The following SEMA6D variants were observed in gnomAD, a reference collection of about 807,000 sequenced individuals.
SEMA6D encodes the protein semaphorin 6D, also known as semaphorin-6D.
In SEMA6D, 35 loss-of-function variants were observed where a neutral mutation model predicts 106.6. The ratio of observed to expected loss-of-function variants is 0.33; its 90% confidence interval spans 0.25 to 0.44. The LOEUF (loss-of-function observed/expected upper bound fraction) is 0.44. Ranked by LOEUF, SEMA6D falls within the 20% of genes least tolerant of loss-of-function variation. The pLI, the probability that SEMA6D is intolerant of heterozygous loss-of-function variation, is 1.00. For synonymous variants in SEMA6D, 499 were observed against 487.7 expected, an observed-to-expected ratio of 1.02 and a Z score of -0.31; for missense variants, 1,185 against 1,345.9, an observed-to-expected ratio of 0.88 and a Z score of 1.87.
At chr15:47,668,975 T>C in intron 4 of SEMA6D, among the ~76,000 whole-genome samples, 1 of 152,228 alleles carries the variant, frequency 6.6e-6, no homozygotes, top group Middle Eastern at 3.2e-3. Context: ...TTCAAACTTC[T>C]AGAAAAGTTG....
chr15:47,284,284 T>G (rs2035260658), intron 1 of SEMA6D, among the ~76,000 whole-genome samples: 1 of 152,220 alleles, frequency 6.6e-6, no homozygotes, highest in Non-Finnish European at 1.5e-5. Flanking sequence ...ATCACTCACA[T>G]CATATAATTT....
chr15:47,724,633 G>C (rs568710627), intron 1 of SEMA6D, among the ~76,000 whole-genome samples: 1 of 151,824 alleles, frequency 6.6e-6, no homozygotes, highest in Non-Finnish European at 1.5e-5. Context: ...TTAGGCAAAA[G>C]CCCAGGGGTG....
At chr15:47,283,022 T>G (rs574958583) in intron 1 of SEMA6D, among the ~76,000 whole-genome samples, 1 of 152,248 alleles carries the variant, frequency 6.6e-6, no homozygotes. Flanking sequence ...ATGTTGAGCT[T>G]AACAGGGGCT....
At chr15:47,194,997 TACTAAGTTTTCC>T (rs1299979871) in intron 1 of SEMA6D, among the ~76,000 whole-genome samples, 7 of 152,204 alleles carry the variant, frequency 4.6e-5, no homozygotes, top group African/African-American at 1.4e-4. Flanking sequence ...ATTACCTGCC[TACTAAGTTTTCC>T]ACCAAGTTAC....
chr15:47,195,683 A>C (rs1398987000), intron 1 of SEMA6D, among the ~76,000 whole-genome samples: 1 of 152,122 alleles, frequency 6.6e-6, no homozygotes, highest in Admixed American at 6.5e-5. Flanking sequence ...TGACCAATTT[A>C]GGTATCTCTT....
chr15:47,575,439 A>G (rs2076139978), intron 3 of SEMA6D, among the ~76,000 whole-genome samples: 2 of 152,106 alleles, frequency 1.3e-5, no homozygotes, highest in Admixed American at 6.5e-5. Flanking sequence ...GGGGCTGGCT[A>G]GTATAAGAAG....
chr15:47,497,968 A>G (rs961433563), intron 3 of SEMA6D, among the ~76,000 whole-genome samples: 1 of 152,118 alleles, frequency 6.6e-6, no homozygotes, highest in Non-Finnish European at 1.5e-5. Flanking sequence ...AGGAACCATT[A>G]CACAATAAAC....
chr15:47,494,796 CAG>C (rs2043599192), intron 3 of SEMA6D, among the ~76,000 whole-genome samples: 3 of 52,276 alleles, frequency 5.7e-5, no homozygotes, highest in East Asian at 9.3e-4. Context: ...ATATAATCTC[CAG>C]ATACACACAC....
chr15:47,645,948 C>T (rs992785452), intron 4 of SEMA6D, among the ~76,000 whole-genome samples: 4 of 152,116 alleles, frequency 2.6e-5, no homozygotes, highest in Non-Finnish European at 4.4e-5. Flanking sequence ...GGTGAGGCAC[C>T]GAGCTTCCGT....
intron 3 of SEMA6D, among the ~76,000 whole-genome samples, chr15:47,588,381 CAG>C (rs1172104415): frequency 6.6e-6 from 1 of 152,164 alleles, no homozygotes; most frequent in Non-Finnish European, 1.5e-5. Flanking sequence ...CTGACTTCAG[CAG>C]AGTCAAATCC....
At chr15:47,642,948 T>G (rs956449460) in intron 4 of SEMA6D, among the ~76,000 whole-genome samples, 2 of 149,636 alleles carry the variant, frequency 1.3e-5, no homozygotes, top group South Asian at 2.1e-4. Flanking sequence ...GAGAGTAAGA[T>G]AGAGATGAAG....
At chr15:47,631,408 G>A (rs1398477308) in intron 4 of SEMA6D, among the ~76,000 whole-genome samples, 2 of 151,442 alleles carry the variant, frequency 1.3e-5, no homozygotes, top group Non-Finnish European at 3.0e-5. Flanking sequence ...CTGAATAATG[G>A]CCCCCAAAGA....
chr15:47,582,340 G>A (rs1361301577), intron 3 of SEMA6D, among the ~76,000 whole-genome samples: 8 of 152,202 alleles, frequency 5.3e-5, no homozygotes, highest in Non-Finnish European at 1.5e-5. Flanking sequence ...TCCCACAACT[G>A]AAAGAAGTTG....
intron 4 of SEMA6D, among the ~76,000 whole-genome samples, chr15:47,677,425 A>C (rs183120689): frequency 6.6e-6 from 1 of 152,200 alleles, no homozygotes; most frequent in Admixed American, 6.5e-5. Context: ...TAGCCTTTCA[A>C]TTTTCCAGTG....
At chr15:47,520,393 G>A (rs2044534274) in intron 3 of SEMA6D, among the ~76,000 whole-genome samples, 1 of 152,134 alleles carries the variant, frequency 6.6e-6, no homozygotes, top group Non-Finnish European at 1.5e-5. Flanking sequence ...CAAAGTAGTG[G>A]TCTTTTTTTT....
chr15:47,605,080 C>G (rs1397647275), intron 4 of SEMA6D, among the ~76,000 whole-genome samples: 1 of 152,120 alleles, frequency 6.6e-6, no homozygotes, highest in East Asian at 1.9e-4. Context: ...CACATGCTGT[C>G]TCACATAGTT....
intron 2 of SEMA6D, among the ~76,000 whole-genome samples, chr15:47,414,551 A>G (rs756493864): frequency 6.6e-5 from 10 of 152,184 alleles, no homozygotes; most frequent in Non-Finnish European, 1.3e-4. Context: ...AGAAGTCATC[A>G]TTTCATCTGA....
intron 1 of SEMA6D, among the ~76,000 whole-genome samples, chr15:47,277,595 TTATTATTATTATTA>T (rs1309982581): frequency 2.8e-4 from 2 of 7,156 alleles, no homozygotes; most frequent in African/African-American, 4.2e-4. Context: ...ATTATTATTA[TTATTATTATTATTA>T]TTATTTATTA....
At chr15:47,274,425 A>G (rs1359843655) in intron 1 of SEMA6D, 2 of 152,320 alleles carry the variant, frequency 1.3e-5, no homozygotes, top group African/African-American at 2.4e-5. Flanking sequence ...TAACTTAAAA[A>G]TAAATTGAAT....
Sources: allele counts gnomAD v4.1 joint callset (sites outside exome capture counted in the v4.1 genomes callset), GRCh38; gene constraint gnomAD v4.1.1; transcripts MANE v1.5; gene names NCBI Gene and HGNC (gene_info 2026-07-23, HGNC 2026-07-21).